TNS3: variants seen among roughly 807,000 people sequenced by gnomAD.
The protein encoded by TNS3 is tensin 3, also known as tensin-3.
A neutral mutation model predicts 140.9 loss-of-function variants in TNS3; 45 were observed. The ratio of observed to expected loss-of-function variants is 0.32; its 90% CI spans 0.25 to 0.41. The LOEUF is 0.41. TNS3 is among the 10% of genes least tolerant of loss of function. TNS3 has a pLI of 1.00. For missense variants in TNS3, 1,716 were observed against 1,906.7 expected (o/e 0.90, Z 1.86); for synonymous variants, 815 against 788.4 (o/e 1.03, Z -0.56).
At chr7:47,510,486 C>T (rs967106993) in intron 2 of TNS3, among the ~76,000 whole-genome samples, 9 of 152,152 alleles carry the variant, frequency 5.9e-5, no homozygotes, top group African/African-American at 1.9e-4. Flanking sequence ...TATTCAGACT[C>T]GAGTGCTTGT....
intron 13 of TNS3, among the ~76,000 whole-genome samples, chr7:47,402,295 T>TC (rs1039435299): frequency 1.6e-4 from 25 of 152,212 alleles, no homozygotes; most frequent in Non-Finnish European, 2.8e-4. Flanking sequence ...TGACTGGGTC[T>TC]CCCTTGTACG....
At chr7:47,376,022 A>G (rs1791362595) in intron 16 of TNS3, among the ~76,000 whole-genome samples, 1 of 152,264 alleles carries the variant, frequency 6.6e-6, no homozygotes, top group South Asian at 2.1e-4. Context: ...AAGAACTAAC[A>G]GTATCCTCCC....
At chr7:47,484,868 G>T (rs2151803503) in intron 3 of TNS3, among the ~76,000 whole-genome samples, 1 of 152,324 alleles carries the variant, frequency 6.6e-6, no homozygotes, top group South Asian at 2.1e-4. Flanking sequence ...AGCACCGTGG[G>T]TCGGGGCCAA....
At chr7:47,409,658 T>C (rs1793653042) in intron 13 of TNS3, among the ~76,000 whole-genome samples, 1 of 151,184 alleles carries the variant, frequency 6.6e-6, no homozygotes, top group Non-Finnish European at 1.5e-5. Context: ...CTTGGCCTAT[T>C]CTTTTTTTTT....
chr7:47,312,698 G>C (rs913638751), intron 20 of TNS3, among the ~76,000 whole-genome samples: 4 of 131,808 alleles, frequency 3.0e-5, no homozygotes, highest in Non-Finnish European at 6.3e-5. Context: ...GCAAAACTCT[G>C]TCTCAAAAAA....
intron 16 of TNS3, among the ~76,000 whole-genome samples, chr7:47,389,104 G>GGAAGAAGAAGAA (rs1792327151): frequency 1.0e-4 from 3 of 29,974 alleles, no homozygotes; most frequent in African/African-American, 6.1e-4. Context: ...AAGAGGAAGC[G>GGAAGAAGAAGAA]GAAGCAGAAG....
At chr7:47,461,653 C>A (rs887644442) in intron 4 of TNS3, among the ~76,000 whole-genome samples, 1 of 152,262 alleles carries the variant, frequency 6.6e-6, no homozygotes, top group East Asian at 1.9e-4. Context: ...TCTGTCAATT[C>A]AAAAGCTGAC....
At chr7:47,409,806 C>T (rs149294221) in intron 13 of TNS3, among the ~76,000 whole-genome samples, 2,711 of 152,230 alleles carry the variant, frequency 0.018, 78 homozygotes, top group African/African-American at 0.058. Flanking sequence ...TACAGGCACG[C>T]GCCACCTTGC....
At chr7:47,281,399 G>C (rs1785138310) in intron 28 of TNS3, among the ~76,000 whole-genome samples, 1 of 152,204 alleles carries the variant, frequency 6.6e-6, no homozygotes, top group Non-Finnish European at 1.5e-5. Context: ...GGCCAGTCTA[G>C]CTGGCTTTGG....
intron 16 of TNS3, among the ~76,000 whole-genome samples, chr7:47,383,713 G>A (rs1791909287): frequency 1.3e-5 from 2 of 152,140 alleles, no homozygotes; most frequent in African/African-American, 4.8e-5. Flanking sequence ...CTGACCCCAG[G>A]TAGACAGGGG....
chr7:47,426,376 T>A (rs1236827493), intron 9 of TNS3, among the ~76,000 whole-genome samples: 1 of 152,212 alleles, frequency 6.6e-6, no homozygotes, highest in Non-Finnish European at 1.5e-5. Context: ...AGTGCTATGC[T>A]GCCACTGAAA....
intron 13 of TNS3, chr7:47,405,393 C>T (rs1227106304): frequency 1.5e-6 from 1 of 652,094 alleles, no homozygotes; most frequent in Non-Finnish European, 2.8e-6. Context: ...CTCAAGGAAT[C>T]TGTGAACTCA....
At chr7:47,473,716 C>G (rs1018988074) in intron 4 of TNS3, among the ~76,000 whole-genome samples, 2 of 152,106 alleles carry the variant, frequency 1.3e-5, no homozygotes, top group South Asian at 4.1e-4. Context: ...AGGCTGGGGC[C>G]GGCAGAACAG....
chr7:47,357,387 C>T (rs942104784), intron 17 of TNS3, among the ~76,000 whole-genome samples: 2 of 152,162 alleles, frequency 1.3e-5, no homozygotes, highest in African/African-American at 2.4e-5. Context: ...CTCATTCACA[C>T]ACACACACTA....
chr7:47,403,385 C>T (rs1793268076), intron 13 of TNS3: 1 of 152,216 alleles, frequency 6.6e-6, no homozygotes, highest in African/African-American at 2.4e-5. Flanking sequence ...CTGTAAGATT[C>T]CTATTTTTCA....
intron 17 of TNS3, among the ~76,000 whole-genome samples, chr7:47,359,853 C>T (rs2151083535): frequency 6.6e-6 from 1 of 152,262 alleles, no homozygotes; most frequent in East Asian, 1.9e-4. Flanking sequence ...GTGAAGGTCC[C>T]TTGATGTAGC....
chr7:47,477,702 TA>T (rs1244847132), intron 4 of TNS3, among the ~76,000 whole-genome samples: 1 of 152,148 alleles, frequency 6.6e-6, no homozygotes, highest in East Asian at 1.9e-4. Context: ...ATGTCAGTAT[TA>T]TCTGAAAGCA....
intron 2 of TNS3, among the ~76,000 whole-genome samples, chr7:47,518,123 A>G (rs1161533992): frequency 6.6e-6 from 1 of 152,170 alleles, no homozygotes; most frequent in Non-Finnish European, 1.5e-5. Flanking sequence ...TCTTGGCTGC[A>G]CCCAGCCTGC....
intron 1 of TNS3, among the ~76,000 whole-genome samples, chr7:47,538,299 A>C (rs1001676638): frequency 5.9e-5 from 9 of 152,148 alleles, no homozygotes; most frequent in African/African-American, 2.4e-5. Flanking sequence ...GAACATGTTC[A>C]AGATGAAGCC....
Sources: allele counts gnomAD v4.1 joint callset (sites outside exome capture counted in the v4.1 genomes callset), GRCh38; gene constraint gnomAD v4.1.1; transcripts MANE v1.5; gene names NCBI Gene and HGNC (gene_info 2026-07-23, HGNC 2026-07-21).